Variants in ERCC6 observed in about 807,000 individuals in gnomAD.
ERCC6 encodes DNA excision repair protein ERCC-6.
ERCC6 carries 116 observed loss-of-function variants against 158.7 expected under a neutral mutation model. The ratio of observed to expected loss-of-function variants is 0.73; its 90% CI spans 0.63 to 0.85. The LOEUF is 0.85. Among genes scored for constraint, ERCC6 ranks in the 40% least tolerant of loss-of-function variants. The pLI, the probability that ERCC6 is intolerant of heterozygous loss-of-function variation, is 0.00. For synonymous variants in ERCC6, 678 were observed against 659.3 expected (o/e 1.03, Z -0.43); for missense variants, 1,698 against 1,799.4 (o/e 0.94, Z 1.02).
chr10:49,527,123 G>C (rs979399865), intron 4 of ERCC6, among the ~76,000 whole-genome samples: 30 of 152,288 alleles, frequency 2.0e-4, no homozygotes, highest in Non-Finnish European at 1.9e-4. Context: ...AGGATAAAAA[G>C]GGGCTCTTGG....
At chr10:49,528,381 T>A (rs371917303) in intron 4 of ERCC6, 36 bp downstream of exon 4, 1 of 1,611,924 alleles carries the variant, frequency 6.2e-7, no homozygotes, top group Non-Finnish European at 8.5e-7. Context: ...AGGCATCAAT[T>A]CAAGAACACA....
At chr10:49,482,612 G>A (rs1850998834) in intron 10 of ERCC6, 75 bp downstream of exon 10, 2 of 1,310,316 alleles carry the variant, frequency 1.5e-6, no homozygotes, top group Admixed American at 1.9e-5. Context: ...GAATGACTTG[G>A]CTACAAATTA....
intron 8 of ERCC6, among the ~76,000 whole-genome samples, chr10:49,492,486 T>A (rs1385513441): frequency 6.6e-6 from 1 of 152,176 alleles, no homozygotes; most frequent in Admixed American, 6.5e-5. Flanking sequence ...GCTCACAGTC[T>A]GGATGGTTAG....
chr10:49,514,137 A>G lies in ERCC6; in HGVS notation c.1398-8125T>C, dbSNP rs12571445. Among the ~76,000 whole-genome samples the G allele has an allele frequency of 8.5e-3, 1,300 of 152,306 alleles. 37 individuals are homozygous for G. The highest frequency in any genetic ancestry group is 0.074 in the East Asian group (381 of 5,182). On this transcript the variant is annotated intron_variant, in intron 5 of 20. Transcript: ENST00000355832. ...CTTCAATCCAAATGTTGTCTTAAAA[A>G]AACATCAGGACTAAGGTTTAAAGAA...
At chr10:49,477,383 C>G (rs1278364863) in intron 11 of ERCC6, among the ~76,000 whole-genome samples, 1 of 152,070 alleles carries the variant, frequency 6.6e-6, no homozygotes, top group Non-Finnish European at 1.5e-5. Flanking sequence ...AGTACAGTGC[C>G]TCACCCATTA....
Position 49,500,615 on chromosome 10 carries a change from C to T in ERCC6, c.1608G>A (p.Leu536=), listed in dbSNP as rs1359167021. 1.2e-6 allele frequency: 2 copies of T among 1,614,012 alleles called. No homozygotes were observed. The highest frequency in any genetic ancestry group is 1.3e-5 in the African/African-American group (1 of 75,038). ...AGGILGDEMG[L]GKTIQIIAFL... is the part of the protein sequence containing the mutation. The stretch of plus-strand genomic sequence containing the variant: ...AGGCAATTATCTGGATGGTCTTGCC[C>T]AATCCCATTTCATCTCCCAGAATTC... The change falls in exon 7 of 21, where the codon TTG becomes TTA. Residue 536 remains leucine, a synonymous_variant. Coordinates refer to ENST00000355832, the MANE Select transcript of ERCC6 (RefSeq NM_000124.4).
intron 16 of ERCC6, among the ~76,000 whole-genome samples, chr10:49,472,047 T>C (rs1255352278): frequency 6.6e-6 from 1 of 152,238 alleles, no homozygotes; most frequent in Non-Finnish European, 1.5e-5. Context: ...TTCAACCTTG[T>C]CATTTTTTAA....
intron 6 of ERCC6, 133 bp downstream of exon 6, chr10:49,505,751 A>C: frequency 1.0e-6 from 1 of 966,928 alleles, no homozygotes; most frequent in Non-Finnish European, 1.6e-6. Flanking sequence ...TTCATTTGAC[A>C]GTATCTGTTT....
At position 49,491,516 on chromosome 10, in the gene ERCC6, T is replaced by G. The variant is rs1305873231; in HGVS notation, c.1821+1601A>C. On this transcript the variant is annotated intron_variant, in intron 8 of 20. Transcript: ENST00000355832. Reference sequence around the variant, plus strand: ...AAGTGTCTGTGAAGGTAAAACAACCTCAGAAGGTAAAGCCACTGCAACCAA... The same window carrying G: ...AAGTGTCTGTGAAGGTAAAACAACCGCAGAAGGTAAAGCCACTGCAACCAA... Among the ~76,000 whole-genome samples the G allele has an allele frequency of 2.0e-5, 3 of 152,150 alleles. No individual in the cohort carries two copies. In the East Asian group the frequency reaches 5.8e-4, roughly 29 times the overall value.
upstream of ERCC6, chr10:49,539,483 G>C (rs566959735): frequency 2.0e-5 from 3 of 152,412 alleles, no homozygotes; most frequent in East Asian, 3.9e-4. Context: ...GACTGAACAC[G>C]GGAAGGATGG....
downstream of ERCC6, among the ~76,000 whole-genome samples, chr10:49,449,823 T>A (rs180830458): frequency 3.3e-5 from 5 of 152,198 alleles, no homozygotes; most frequent in East Asian, 9.6e-4. Flanking sequence ...GTGTTAGGAT[T>A]ACAGGCGTGA....
intron 18 of ERCC6, among the ~76,000 whole-genome samples, chr10:49,466,698 A>T (rs914027533): frequency 6.6e-6 from 1 of 152,212 alleles, no homozygotes; most frequent in African/African-American, 2.4e-5. Context: ...ATTTTATGCA[A>T]ACGGCATCAG....
downstream of ERCC6, among the ~76,000 whole-genome samples, chr10:49,449,724 G>T (rs1424692058): frequency 6.6e-6 from 1 of 151,248 alleles, no homozygotes; most frequent in Non-Finnish European, 1.5e-5. Flanking sequence ...GCTAATTTTT[G>T]TATTTTTAGT....
Position 49,474,177 on chromosome 10 carries a change from G to A in ERCC6, c.2448C>T (p.Pro816=). The A allele has an allele frequency of 6.2e-7, 1 of 1,614,044 alleles. No homozygotes were observed. Among genetic ancestry groups the A allele is most frequent in the Non-Finnish European group, 8.5e-7 (1 of 1,180,014 alleles). The change falls in exon 13 of 21, where the codon CCC becomes CCT. Residue 816 remains proline, a synonymous_variant. Transcript: ENST00000355832. ...CATCAGGAAGACCTTTGAGATTCTT[G>A]GGACCTCCAGAAAAGAGATCAGGGT... ...CNHPDLFSGG[P]KNLKGLPDDE... is the part of the protein sequence containing the mutation.
At chr10:49,509,078 C>G (rs1564433338) in intron 5 of ERCC6, among the ~76,000 whole-genome samples, 1 of 152,142 alleles carries the variant, frequency 6.6e-6, no homozygotes, top group Non-Finnish European at 1.5e-5. Context: ...ATAGTCAAAT[C>G]CTGGTGCCAT....
intron 5 of ERCC6, chr10:49,516,372 G>C: frequency 1.2e-6 from 2 of 1,614,146 alleles, no homozygotes; most frequent in Non-Finnish European, 1.7e-6. Flanking sequence ...GCTTATGAGA[G>C]GTCGCAATTT....
the ERCC6 span, among the ~76,000 whole-genome samples, chr10:49,441,625 G>T: frequency 6.6e-6 from 1 of 152,028 alleles, no homozygotes; most frequent in East Asian, 1.9e-4. Flanking sequence ...CCAGCCGCCG[G>T]CGTCTCCGCA....
In ERCC6 at chr10:49,470,328, T is replaced by C. The variant is rs770541513; in HGVS notation, c.3632A>G (p.His1211Arg). The change falls in exon 18 of 21, where the codon CAT becomes CGT. Residue 1211 changes from histidine to arginine, a missense_variant. Coordinates refer to ENST00000355832, the MANE Select transcript of ERCC6 (RefSeq NM_000124.4). ...RPKQKPKNSK[H>R]CRDAKFEGTR... ...TCCTTCAAACTTGGCGTCTCTGCAA[T>C]GCTTAGAGTTCTTAGGCTTTTGCTT... 9.3e-6 allele frequency: 15 copies of C among 1,614,080 alleles called. No individual in the cohort carries two copies. The Admixed American group carries it at 1.0e-4, about 11-fold the overall frequency.
the ERCC6 span, among the ~76,000 whole-genome samples, chr10:49,440,593 C>G: frequency 5.9e-4 from 90 of 152,322 alleles, 1 homozygote; most frequent in East Asian, 0.012. Flanking sequence ...AAGAAAAGAT[C>G]TGAGACAAAT....
Sources: allele counts gnomAD v4.1 joint callset (sites outside exome capture counted in the v4.1 genomes callset), GRCh38; gene constraint gnomAD v4.1.1; transcripts MANE v1.5; gene names NCBI Gene and HGNC (gene_info 2026-07-23, HGNC 2026-07-21).